PAQR3: variants seen among roughly 807,000 people sequenced by gnomAD.
PAQR3 encodes progestin and adipoQ receptor family member 3.
PAQR3 carries 39 observed loss-of-function variants against 41.7 expected under a neutral mutation model. The ratio of observed to expected loss-of-function variants is 0.93; its 90% CI spans 0.72 to 1.22. The LOEUF is 1.22. Ranked by LOEUF, PAQR3 falls within the 50% of genes most tolerant of loss-of-function variation. The pLI, the probability that PAQR3 is intolerant of heterozygous loss-of-function variation, is 0.00. For synonymous variants in PAQR3, 140 were observed against 140.6 expected (o/e 1.00, Z 0.03); for missense variants, 366 against 385.6 (o/e 0.95, Z 0.42).
chr4:78,934,019 A>G (rs1174855342), intron 2 of PAQR3, among the ~76,000 whole-genome samples: 1 of 152,234 alleles, frequency 6.6e-6, no homozygotes, highest in Non-Finnish European at 1.5e-5. Flanking sequence ...ATTCATTTCC[A>G]TTATAAAATT....
Position 78,920,208 on chromosome 4 carries a change from G to A in PAQR3, c.*331C>T. On this transcript the variant is annotated 3_prime_UTR_variant, in exon 6 of 6. Coordinates refer to ENST00000512733, the MANE Select transcript of PAQR3 (RefSeq NM_001040202.2). ...GATGACTCCATTTTCTAATGGACAT[G>A]AGCCCTTCCTAAGGAAATTAAGCTG... 2.0e-6 allele frequency: 2 copies of A among 1,017,098 alleles called. No homozygotes were observed. The highest frequency in any genetic ancestry group is 2.4e-6 in the Non-Finnish European group (2 of 850,926). The allele number at this position is 1,017,098 out of a possible 1,614,324, so 63.0% of individuals were successfully genotyped here.
chr4:78,903,318 AT>A (rs1383144711), intron 11 of PAQR3, among the ~76,000 whole-genome samples: 1 of 152,042 alleles, frequency 6.6e-6, no homozygotes, highest in Non-Finnish European at 1.5e-5. Context: ...CTAGAGTCAG[AT>A]TAGCATGTTT....
intron 11 of PAQR3, among the ~76,000 whole-genome samples, chr4:78,903,586 T>G (rs1430349958): frequency 6.6e-6 from 1 of 151,952 alleles, no homozygotes; most frequent in Admixed American, 6.6e-5. Flanking sequence ...ATGAGAAAAC[T>G]CAGGCTTATT....
At chr4:78,904,784 T>C (rs1412744091) in intron 11 of PAQR3, among the ~76,000 whole-genome samples, 3 of 151,974 alleles carry the variant, frequency 2.0e-5, no homozygotes, top group Non-Finnish European at 4.4e-5. Flanking sequence ...TAAGTTCTAC[T>C]TGAAATGGCT....
intron 2 of PAQR3, chr4:78,933,211 T>C (rs1737091627): frequency 2.2e-6 from 1 of 456,302 alleles, no homozygotes; most frequent in South Asian, 1.5e-5. Flanking sequence ...AGCACTGTTT[T>C]ACCGATGCCT....
chr4:78,908,921 G>A (rs1180979291), downstream of PAQR3, among the ~76,000 whole-genome samples: 1 of 151,946 alleles, frequency 6.6e-6, no homozygotes, highest in African/African-American at 2.4e-5. Flanking sequence ...CATCCACCAA[G>A]AGTTTTCAAT....
chr4:78,910,788 T>C (rs1734546093), downstream of PAQR3: 12 of 1,613,630 alleles, frequency 7.4e-6, no homozygotes, highest in Non-Finnish European at 1.0e-5. Context: ...TTGAATCAGA[T>C]CCCCCTTCTC....
intron 5 of PAQR3, among the ~76,000 whole-genome samples, chr4:78,921,328 T>C (rs900809720): frequency 6.6e-6 from 1 of 151,924 alleles, no homozygotes; most frequent in Non-Finnish European, 1.5e-5. Flanking sequence ...AACTTCTTGA[T>C]CTCTCTCAGT....
At chr4:78,924,036 G>T in intron 4 of PAQR3, 89 bp from the exon 5 acceptor site, 3 of 1,001,616 alleles carry the variant, frequency 3.0e-6, no homozygotes, top group Non-Finnish European at 4.6e-6. Context: ...ATTTAAGATT[G>T]TTAAATCTGA....
intron 3 of PAQR3, among the ~76,000 whole-genome samples, chr4:78,929,512 A>G (rs1430689012): frequency 6.6e-6 from 1 of 152,188 alleles, no homozygotes; most frequent in Non-Finnish European, 1.5e-5. Context: ...GTATTATCTG[A>G]TTACAGTGTT....
At chr4:78,888,161 G>A (rs1733206380) in intron 11 of PAQR3, 2 of 152,114 alleles carry the variant, frequency 1.3e-5, no homozygotes. Flanking sequence ...GGAATATACA[G>A]GATAGTTTTT....
intron 1 of PAQR3, among the ~76,000 whole-genome samples, chr4:78,935,484 T>C (rs1224297787): frequency 6.6e-6 from 1 of 152,174 alleles, no homozygotes; most frequent in African/African-American, 2.4e-5. Flanking sequence ...GGGACCACAG[T>C]TTTTTGGGTG....
chr4:78,922,372 AC>A, intron 5 of PAQR3: 1 of 1,288,650 alleles, frequency 7.8e-7, no homozygotes, highest in Non-Finnish European at 1.0e-6. Flanking sequence ...CTTTCCCAAC[AC>A]ACGTGACGAG....
intron 11 of PAQR3, among the ~76,000 whole-genome samples, chr4:78,889,328 G>C (rs1028852923): frequency 1.3e-5 from 2 of 150,832 alleles, no homozygotes; most frequent in African/African-American, 2.4e-5. Flanking sequence ...TATGAAAAAA[G>C]TATATAGACT....
chr4:78,938,528 TTAG>T (rs1737671542), intron 1 of PAQR3, among the ~76,000 whole-genome samples: 1 of 152,198 alleles, frequency 6.6e-6, no homozygotes, highest in African/African-American at 2.4e-5. Context: ...AGGCTACACC[TTAG>T]TAGCTTCATG....
chr4:78,914,744 GGTT>G lies in PAQR3; in HGVS notation c.*5792_*5794del, dbSNP rs1734900648. The G allele has an allele frequency of 6.7e-6, 1 of 148,954 alleles. No homozygotes were observed. The highest frequency in any genetic ancestry group is 2.5e-5 in the African/African-American group (1 of 40,624). The allele number at this position is 148,954 out of a possible 1,614,324, so 9.2% of individuals were successfully genotyped here. ...AATATATATATATATATATATTTGG[GGTT>G]TTTTTTCCCTAATATTATTTGGGTG... On this transcript the variant is annotated 3_prime_UTR_variant, in exon 6 of 6. Transcript: ENST00000512733.
intron 3 of PAQR3, among the ~76,000 whole-genome samples, chr4:78,927,232 A>G (rs1024988739): frequency 1.7e-4 from 26 of 152,236 alleles, no homozygotes; most frequent in African/African-American, 6.3e-4. Context: ...AGGAAAGAGA[A>G]CAGCAAATGC....
At chr4:78,902,833 T>C (rs577230558) in intron 11 of PAQR3, among the ~76,000 whole-genome samples, 3 of 152,234 alleles carry the variant, frequency 2.0e-5, no homozygotes, top group Non-Finnish European at 4.4e-5. Context: ...TATTGGATAT[T>C]TTCTAAATAT....
In PAQR3 at chr4:78,914,449, T is replaced by C. The variant is rs1224803943; in HGVS notation, c.*6090A>G. The C allele has an allele frequency of 6.6e-6, 1 of 152,008 alleles. No homozygotes were observed. Among genetic ancestry groups the C allele is most frequent in the Non-Finnish European group, 1.5e-5 (1 of 67,914 alleles). The allele number at this position is 152,008 out of a possible 1,614,324, so 9.4% of individuals were successfully genotyped here. A position where few individuals can be genotyped will look rare whatever the true frequency, so the allele number is the denominator to read the frequency against. Reference sequence around the variant, plus strand: ...ATGGAGAGATTCCTTTGTGTTGTAGTAGAGGCATTTTCCTAAGGAGTATAG... The same window carrying C: ...ATGGAGAGATTCCTTTGTGTTGTAGCAGAGGCATTTTCCTAAGGAGTATAG... On this transcript the variant is annotated 3_prime_UTR_variant, in exon 6 of 6. Transcript: ENST00000512733.
Sources: gnomAD v4.1 joint callset for allele counts (sites outside exome capture counted in the v4.1 genomes callset) on GRCh38, gnomAD v4.1.1 for gene constraint, MANE v1.5 for transcripts, NCBI Gene and HGNC (gene_info 2026-07-23, HGNC 2026-07-21) for gene names.